The following SDK1 variants were observed in gnomAD, a reference collection of about 807,000 sequenced individuals.
The protein encoded by SDK1 is protein sidekick-1.
In SDK1, 157 loss-of-function variants were observed where a neutral mutation model predicts 245.5. That is an observed-to-expected ratio of 0.64 (90% CI 0.56 to 0.73). SDK1 has a LOEUF of 0.73. Ranked by LOEUF, SDK1 falls within the 30% of genes least tolerant of loss-of-function variation. The probability of loss-of-function intolerance (pLI) is 0.00; values close to 1 mark genes in which losing one functional copy is unlikely to be tolerated. For synonymous variants in SDK1, 1,647 were observed against 1,278.5 expected (o/e 1.29, Z -6.15); for missense variants, 3,583 against 3,002.3 (o/e 1.19, Z -4.52).
intron 22 of SDK1, among the ~76,000 whole-genome samples, chr7:4,080,662 A>T (rs2080385570): frequency 6.6e-6 from 1 of 152,206 alleles, no homozygotes; most frequent in Non-Finnish European, 1.5e-5. Flanking sequence ...TAGGAAAAAT[A>T]GCAGTAGAGC....
At chr7:3,524,750 C>T (rs1783063938) in intron 1 of SDK1, among the ~76,000 whole-genome samples, 1 of 152,120 alleles carries the variant, frequency 6.6e-6, no homozygotes, top group Non-Finnish European at 1.5e-5. Flanking sequence ...CCAGAAGGAA[C>T]TGTTGCACAG....
chr7:3,923,934 C>T (rs1287073114), intron 5 of SDK1, among the ~76,000 whole-genome samples: 1 of 152,166 alleles, frequency 6.6e-6, no homozygotes, highest in East Asian at 1.9e-4. Flanking sequence ...AGGGCTTGCT[C>T]ATGCTGTCCT....
chr7:3,536,720 A>G (rs1447503381), intron 1 of SDK1, among the ~76,000 whole-genome samples: 1 of 151,976 alleles, frequency 6.6e-6, no homozygotes, highest in Non-Finnish European at 1.5e-5. Context: ...ACAAAAAACA[A>G]ACCTATGCAT....
At chr7:4,172,796 G>A (rs1441634065) in intron 32 of SDK1, among the ~76,000 whole-genome samples, 1 of 152,124 alleles carries the variant, frequency 6.6e-6, no homozygotes, top group Non-Finnish European at 1.5e-5. Flanking sequence ...TTATGGACGC[G>A]TTACTCCAGT....
intron 30 of SDK1, among the ~76,000 whole-genome samples, chr7:4,156,395 G>A (rs148240139): frequency 5.1e-4 from 78 of 152,284 alleles, no homozygotes; most frequent in Non-Finnish European, 6.2e-4. Flanking sequence ...TTTTATGGTC[G>A]GACTTCAGAA....
intron 17 of SDK1, among the ~76,000 whole-genome samples, chr7:4,023,382 C>G (rs149685310): frequency 2.6e-5 from 4 of 152,064 alleles, no homozygotes; most frequent in Non-Finnish European, 5.9e-5. Context: ...ACAGTTTCAG[C>G]CAAGTGAACT....
At chr7:4,168,220 G>A (rs567655370) in intron 32 of SDK1, among the ~76,000 whole-genome samples, 1 of 152,134 alleles carries the variant, frequency 6.6e-6, no homozygotes, top group South Asian at 2.1e-4. Context: ...CGGCCGCCTG[G>A]ACCCCCTCCC....
chr7:3,378,200 A>C (rs1307747497), intron 1 of SDK1, among the ~76,000 whole-genome samples: 1 of 152,096 alleles, frequency 6.6e-6, no homozygotes, highest in Non-Finnish European at 1.5e-5. Flanking sequence ...TACAATTAAC[A>C]TTGTTCTGTC....
At chr7:3,727,317 A>G (rs1031330163) in intron 4 of SDK1, among the ~76,000 whole-genome samples, 7 of 152,154 alleles carry the variant, frequency 4.6e-5, no homozygotes, top group Admixed American at 3.9e-4. Flanking sequence ...TGTAATCAGA[A>G]CCCCTTAATA....
intron 1 of SDK1, among the ~76,000 whole-genome samples, chr7:3,551,725 G>C (rs896066213): frequency 1.3e-5 from 2 of 152,118 alleles, no homozygotes; most frequent in Admixed American, 1.3e-4. Flanking sequence ...ACCCAGGCTG[G>C]AGTACAGCAG....
rs1184764638 is a variant in SDK1 at position 4,049,345 on chromosome 7, C to T, written c.2603-3C>T. On this transcript the variant is annotated splice_region_variant and splice_polypyrimidine_tract_variant and intron_variant, in intron 17 of 44. Transcript: ENST00000404826. ...GCTGTCATCAATGACTGCCCTGCCA[C>T]AGTGCCCACCGCGCCCCCGCAGAAC... 6.2e-7 allele frequency: 1 copy of T among 1,612,962 alleles called. No homozygotes were observed. The highest frequency in any genetic ancestry group is 2.2e-5 in the East Asian group (1 of 44,880).
chr7:4,233,515 T>G (rs1327491538), intron 41 of SDK1, 96 bp downstream of exon 41: 13 of 1,087,158 alleles, frequency 1.2e-5, no homozygotes, highest in East Asian at 2.7e-5. Flanking sequence ...TCCTGAAGGG[T>G]GGGAGGGAGA....
intron 22 of SDK1, among the ~76,000 whole-genome samples, chr7:4,081,030 A>G (rs140478895): frequency 6.6e-6 from 1 of 152,344 alleles, no homozygotes; most frequent in Non-Finnish European, 1.5e-5. Flanking sequence ...TAGCCAGGCA[A>G]TACTTTTAGG....
At chr7:4,162,896 G>A (rs1781244612) in intron 32 of SDK1, among the ~76,000 whole-genome samples, 1 of 152,210 alleles carries the variant, frequency 6.6e-6, no homozygotes, top group African/African-American at 2.4e-5. Context: ...ATAACAGAGG[G>A]ACAAAACTGC....
At chr7:3,430,708 T>A (rs1202606922) in intron 1 of SDK1, among the ~76,000 whole-genome samples, 1 of 152,192 alleles carries the variant, frequency 6.6e-6, no homozygotes, top group Non-Finnish European at 1.5e-5. Context: ...TCGTTAGGTA[T>A]CCGTGGCTTG....
chr7:3,482,931 C>A (rs1450488474), intron 1 of SDK1, among the ~76,000 whole-genome samples: 1 of 151,462 alleles, frequency 6.6e-6, no homozygotes, highest in African/African-American at 2.5e-5. Context: ...TATGATGATG[C>A]TGGTGACAAC....
chr7:4,126,641 A>G (rs1784403793), intron 25 of SDK1, among the ~76,000 whole-genome samples: 2 of 152,246 alleles, frequency 1.3e-5, no homozygotes, highest in Admixed American at 6.5e-5. Context: ...GAATGGCTTG[A>G]ACCCAGGAGG....
intron 4 of SDK1, among the ~76,000 whole-genome samples, chr7:3,820,268 G>C (rs976363572): frequency 5.9e-5 from 9 of 152,110 alleles, no homozygotes; most frequent in Non-Finnish European, 1.5e-5. Context: ...TTCTGCCTCG[G>C]CCTCTGTAGT....
At chr7:3,665,894 G>T (rs904380454) in intron 4 of SDK1, among the ~76,000 whole-genome samples, 5 of 151,960 alleles carry the variant, frequency 3.3e-5, no homozygotes, top group South Asian at 4.2e-4. Context: ...TGTTTCCTCA[G>T]TTGGTTCCAT....
Sources: gnomAD v4.1 joint callset for allele counts (sites outside exome capture counted in the v4.1 genomes callset) on GRCh38, gnomAD v4.1.1 for gene constraint, MANE v1.5 for transcripts, NCBI Gene and HGNC (gene_info 2026-07-23, HGNC 2026-07-21) for gene names.